Variants in LASP1 observed in about 807,000 individuals in gnomAD.
LASP1 encodes LIM and SH3 protein 1, also known as LIM and SH3 domain protein 1.
In LASP1, 10 loss-of-function variants were observed where a neutral mutation model predicts 38.6. The ratio of observed to expected loss-of-function variants is 0.26; its 90% CI spans 0.16 to 0.44. The LOEUF (loss-of-function observed/expected upper bound fraction) is 0.44. LASP1 is among the 20% of genes least tolerant of loss of function. LASP1 has a pLI of 1.00. For synonymous variants in LASP1, 132 were observed against 140.8 expected (o/e 0.94, Z 0.44); for missense variants, 243 against 375.7 (o/e 0.65, Z 2.92).
chr17:38,886,942 T>C (rs1285134216), intron 2 of LASP1, among the ~76,000 whole-genome samples: 1 of 152,172 alleles, frequency 6.6e-6, no homozygotes, highest in Non-Finnish European at 1.5e-5. Context: ...GCTCTGTAGC[T>C]CAGGCTGGTC....
Position 38,892,113 on chromosome 17 carries a change from G to T in LASP1, c.249+1609G>T, listed in dbSNP as rs1231718227. On this transcript the variant is annotated intron_variant, in intron 3 of 6. Transcript: ENST00000318008. ...CTAAAAAAAGGAAAAGCAAGAAATT[G>T]TGTAGTTCAGCAAGTGCCTTTAGTT... Among the ~76,000 whole-genome samples, 7 of 152,314 alleles carry T rather than the reference G, an allele frequency of 4.6e-5. No individual in the cohort carries two copies. In the East Asian group the frequency reaches 1.3e-3, roughly 29 times the overall value.
chr17:38,880,342 C>T (rs1174146629), intron 2 of LASP1, among the ~76,000 whole-genome samples: 2 of 152,234 alleles, frequency 1.3e-5, no homozygotes, highest in Non-Finnish European at 2.9e-5. Flanking sequence ...ACTGTTTTTA[C>T]TGTCTTCTTG....
intron 2 of LASP1, among the ~76,000 whole-genome samples, chr17:38,886,129 ACTCTCT>A (rs34096382): frequency 7.4e-5 from 9 of 121,414 alleles, no homozygotes; most frequent in South Asian, 5.4e-4. Context: ...TCTCACTCTC[ACTCTCT>A]CTCTCTCTCT....
At chr17:38,910,911 C>T (rs1567704505) in intron 4 of LASP1, among the ~76,000 whole-genome samples, 1 of 151,744 alleles carries the variant, frequency 6.6e-6, no homozygotes, top group African/African-American at 2.4e-5. Flanking sequence ...TCAGTAGAGA[C>T]GGCATTTCAC....
At chr17:38,894,707 C>T (rs769622656) in intron 3 of LASP1, among the ~76,000 whole-genome samples, 14 of 152,056 alleles carry the variant, frequency 9.2e-5, no homozygotes, top group Non-Finnish European at 2.1e-4. Flanking sequence ...CATCAGCTCT[C>T]CTCTCCATCT....
Position 38,870,115 on chromosome 17 carries a change from G to A in LASP1, c.-75G>A, listed in dbSNP as rs886697162. 5.8e-6 allele frequency: 9 copies of A among 1,557,252 alleles called. No individual in the cohort carries two copies. The South Asian group carries it at 7.8e-5, about 14-fold the overall frequency. The stretch of plus-strand genomic sequence containing the variant: ...TGCCTGTGTAGTTGCAGCCGCGGCC[G>A]CCTCCCGCCAGCTCGCCTCGGGGAA... On this transcript the variant is annotated 5_prime_UTR_variant, in exon 1 of 7. Transcript: ENST00000318008.
chr17:38,871,741 C>T (rs1325377654), intron 1 of LASP1, among the ~76,000 whole-genome samples: 25 of 151,922 alleles, frequency 1.6e-4, no homozygotes, highest in Non-Finnish European at 2.9e-5. Context: ...CATATGGGGC[C>T]GCTGCTGTGT....
intron 4 of LASP1, among the ~76,000 whole-genome samples, chr17:38,911,635 C>A (rs1914946362): frequency 1.3e-5 from 2 of 152,160 alleles, no homozygotes. Flanking sequence ...AGGGCATGGG[C>A]CCCGTGTCTG....
intron 2 of LASP1, among the ~76,000 whole-genome samples, chr17:38,887,165 G>C (rs1914163443): frequency 6.6e-6 from 1 of 152,166 alleles, no homozygotes; most frequent in Non-Finnish European, 1.5e-5. Context: ...CATCTTCTCA[G>C]AATTGAGTCT....
chr17:38,889,948 T>A (rs946450103), intron 2 of LASP1, among the ~76,000 whole-genome samples: 1 of 152,334 alleles, frequency 6.6e-6, no homozygotes, highest in South Asian at 2.1e-4. Flanking sequence ...GATATGTGTG[T>A]CCCTTTGTTT....
chr17:38,896,876 T>A (rs1190860498), intron 3 of LASP1: 1 of 982,864 alleles, frequency 1.0e-6, no homozygotes, highest in Non-Finnish European at 1.2e-6. Context: ...ATATTATACC[T>A]GATTTCTGTC....
chr17:38,877,288 C>T (rs1163482866), intron 1 of LASP1, among the ~76,000 whole-genome samples: 1 of 152,182 alleles, frequency 6.6e-6, no homozygotes, highest in Admixed American at 6.5e-5. Context: ...TGCAGGGCCC[C>T]GCCCAAGGCC....
chr17:38,874,391 G>T (rs1331396149), intron 1 of LASP1, among the ~76,000 whole-genome samples: 2 of 152,132 alleles, frequency 1.3e-5, no homozygotes, highest in Admixed American at 6.5e-5. Flanking sequence ...CAAGGCAGGA[G>T]TTCTTTCATC....
chr17:38,894,766 C>A (rs1201138617), intron 3 of LASP1, among the ~76,000 whole-genome samples: 1 of 151,880 alleles, frequency 6.6e-6, no homozygotes, highest in East Asian at 1.9e-4. Flanking sequence ...GAGACAGGGT[C>A]TCTCTCTGTC....
chr17:38,893,954 C>G (rs572045621), intron 3 of LASP1, among the ~76,000 whole-genome samples: 1 of 152,394 alleles, frequency 6.6e-6, no homozygotes, highest in South Asian at 2.1e-4. Flanking sequence ...TTCCCTGTCT[C>G]TGGGAAGCTG....
intron 3 of LASP1, among the ~76,000 whole-genome samples, chr17:38,895,331 T>G (rs901532323): frequency 5.3e-5 from 8 of 150,818 alleles, no homozygotes; most frequent in African/African-American, 2.0e-4. Flanking sequence ...ATTTTTGTGT[T>G]TTTTTTTTAG....
chr17:38,920,221 C>A lies in LASP1; in HGVS notation c.*1443C>A, dbSNP rs192209934. On this transcript the variant is annotated 3_prime_UTR_variant, in exon 7 of 7. Coordinates refer to ENST00000318008, the MANE Select transcript of LASP1 (RefSeq NM_006148.4). Reference sequence around the variant, plus strand: ...CTGTCACTCCAGGCATATGTTTCCCCATCTCTGTCTGGGGCTACAGAATAG... The same window carrying A: ...CTGTCACTCCAGGCATATGTTTCCCAATCTCTGTCTGGGGCTACAGAATAG... The A allele has an allele frequency of 4.2e-6, 2 of 481,184 alleles. No homozygotes were observed. Among genetic ancestry groups the A allele is most frequent in the Admixed American group, 5.1e-5 (2 of 38,932 alleles). 29.8% of individuals were successfully genotyped at this position (481,184 alleles called of 1,614,324 possible). A position where few individuals can be genotyped will look rare whatever the true frequency, so the allele number is the denominator to read the frequency against.
At chr17:38,915,183 A>T (rs1002469183) in intron 6 of LASP1, 37 bp downstream of exon 6, 1 of 1,561,900 alleles carries the variant, frequency 6.4e-7, no homozygotes, top group Non-Finnish European at 8.8e-7. Flanking sequence ...GGCCAGAGGC[A>T]GGGGGTCCTT....
chr17:38,892,590 A>ACACACACC (rs926698909), intron 3 of LASP1, among the ~76,000 whole-genome samples: 7 of 140,348 alleles, frequency 5.0e-5, no homozygotes, highest in African/African-American at 1.6e-4. Context: ...ACACACACAC[A>ACACACACC]CCCTTCTCAG....
Sources: allele counts gnomAD v4.1 joint callset (sites outside exome capture counted in the v4.1 genomes callset), GRCh38; gene constraint gnomAD v4.1.1; transcripts MANE v1.5; gene names NCBI Gene and HGNC (gene_info 2026-07-23, HGNC 2026-07-21).